ADGRL2: variants seen among roughly 807,000 people sequenced by gnomAD.
ADGRL2 encodes the protein adhesion G protein-coupled receptor L2, also known as calcium-independent alpha-latrotoxin receptor 2.
Under a neutral mutation model 157.4 loss-of-function variants are expected in ADGRL2, and 44 were observed. That is an observed-to-expected ratio of 0.28 (90% CI 0.22 to 0.36). The LOEUF is 0.36. ADGRL2 is among the 10% of genes least tolerant of loss of function. The pLI, the probability that ADGRL2 is intolerant of heterozygous loss-of-function variation, is 1.00. For synonymous variants in ADGRL2, 585 were observed against 624.7 expected (o/e 0.94, Z 0.95); for missense variants, 1,510 against 1,768.9 (o/e 0.85, Z 2.63).
intron 2 of ADGRL2, among the ~76,000 whole-genome samples, chr1:81,540,315 C>G (rs2079851508): frequency 6.6e-6 from 1 of 152,098 alleles, no homozygotes; most frequent in South Asian, 2.1e-4. Flanking sequence ...AAAAAATTTA[C>G]TTTAGATTTT....
intron 1 of ADGRL2, among the ~76,000 whole-genome samples, chr1:81,371,926 C>G (rs535798211): frequency 1.3e-5 from 2 of 151,622 alleles, no homozygotes; most frequent in Non-Finnish European, 2.9e-5. Flanking sequence ...TGTAAATAAA[C>G]AAAGAAAAAA....
At chr1:81,327,913 C>G (rs1661006931) in intron 1 of ADGRL2, among the ~76,000 whole-genome samples, 1 of 152,164 alleles carries the variant, frequency 6.6e-6, no homozygotes, top group Admixed American at 6.6e-5. Context: ...TATTATCTTG[C>G]TCTGCGTTAG....
intron 2 of ADGRL2, among the ~76,000 whole-genome samples, chr1:81,867,293 C>T (rs574045214): frequency 6.6e-6 from 1 of 152,150 alleles, no homozygotes; most frequent in African/African-American, 2.4e-5. Flanking sequence ...CTTTGCTATA[C>T]TGTTGAACAA....
intron 2 of ADGRL2, among the ~76,000 whole-genome samples, chr1:81,473,798 C>T (rs533056699): frequency 6.6e-6 from 1 of 151,706 alleles, no homozygotes; most frequent in African/African-American, 2.4e-5. Flanking sequence ...TTTTTTCCCA[C>T]TTCAAGATAA....
intron 1 of ADGRL2, among the ~76,000 whole-genome samples, chr1:81,444,034 G>A (rs80047192): frequency 0.034 from 5,248 of 152,192 alleles, 99 homozygotes; most frequent in Middle Eastern, 0.065. Context: ...GAAAAGGTCC[G>A]GAGACCCACT....
intron 2 of ADGRL2, among the ~76,000 whole-genome samples, chr1:81,854,218 T>A (rs2150582657): frequency 6.6e-6 from 1 of 152,306 alleles, no homozygotes; most frequent in East Asian, 1.9e-4. Flanking sequence ...GTCATGGCAT[T>A]TCTACAGCCA....
intron 2 of ADGRL2, among the ~76,000 whole-genome samples, chr1:81,512,533 G>T (rs886849390): frequency 2.6e-5 from 4 of 152,102 alleles, no homozygotes; most frequent in Non-Finnish European, 4.4e-5. Flanking sequence ...AGCTACAATT[G>T]TTCGGGTATC....
intron 2 of ADGRL2, among the ~76,000 whole-genome samples, chr1:81,497,649 G>A (rs2078758815): frequency 1.3e-5 from 2 of 152,110 alleles, no homozygotes; most frequent in South Asian, 4.1e-4. Flanking sequence ...TAAGCAAGTT[G>A]TTTAACCTTT....
intron 1 of ADGRL2, among the ~76,000 whole-genome samples, chr1:81,826,546 A>G (rs1056406045): frequency 5.9e-5 from 9 of 152,220 alleles, no homozygotes; most frequent in African/African-American, 1.9e-4. Flanking sequence ...AGATTTAGCT[A>G]TAATTTGGCA....
intron 3 of ADGRL2, among the ~76,000 whole-genome samples, chr1:81,617,795 G>T (rs1040302763): frequency 6.6e-6 from 1 of 152,128 alleles, no homozygotes; most frequent in Non-Finnish European, 1.5e-5. Flanking sequence ...AATATTCCCC[G>T]TGGAATTACC....
chr1:81,427,637 C>T (rs2077243171), intron 1 of ADGRL2: 5 of 609,330 alleles, frequency 8.2e-6, no homozygotes, highest in South Asian at 1.8e-5. Flanking sequence ...GGCTGCAGCT[C>T]TTAGCAGGAG....
At chr1:81,688,218 C>T (rs897007362) in intron 3 of ADGRL2, among the ~76,000 whole-genome samples, 6 of 152,182 alleles carry the variant, frequency 3.9e-5, no homozygotes, top group African/African-American at 7.2e-5. Flanking sequence ...GACTAGGTCT[C>T]TAGCTAGGCC....
intron 6 of ADGRL2, among the ~76,000 whole-genome samples, chr1:81,948,480 T>A (rs571173282): frequency 6.6e-6 from 1 of 152,330 alleles, no homozygotes; most frequent in South Asian, 2.1e-4. Context: ...AGTGTAGCGC[T>A]CAAGCATTTT....
rs957303703 is a variant in ADGRL2 at position 81,993,513 on chromosome 1, T to C, written c.*2368T>C. Reference sequence around the variant, plus strand: ...AAACTCTAAAGACATGAACACTGCATCGTACCTAAATGGCTACTGTTCTCT... The same window carrying C: ...AAACTCTAAAGACATGAACACTGCACCGTACCTAAATGGCTACTGTTCTCT... On this transcript the variant is annotated 3_prime_UTR_variant, in exon 24 of 24. Coordinates refer to ENST00000686636, the MANE Select transcript of ADGRL2 (RefSeq NM_001366006.2). Among the ~76,000 whole-genome samples the C allele has an allele frequency of 6.6e-6, 1 of 152,142 alleles. No homozygotes were observed. Among genetic ancestry groups the C allele is most frequent in the Non-Finnish European group, 1.5e-5 (1 of 68,024 alleles).
intron 2 of ADGRL2, among the ~76,000 whole-genome samples, chr1:81,767,408 G>A (rs982494237): frequency 6.6e-6 from 1 of 152,074 alleles, no homozygotes; most frequent in African/African-American, 2.4e-5. Flanking sequence ...AGAATACTTG[G>A]CAATATCTGC....
chr1:81,954,941 G>A (rs1476068722), intron 10 of ADGRL2, among the ~76,000 whole-genome samples: 1 of 152,136 alleles, frequency 6.6e-6, no homozygotes. Flanking sequence ...TGGGCATAAT[G>A]ACACATTATG....
chr1:81,413,859 G>A (rs1570900800), intron 1 of ADGRL2, among the ~76,000 whole-genome samples: 1 of 152,220 alleles, frequency 6.6e-6, no homozygotes, highest in Non-Finnish European at 1.5e-5. Context: ...CTCTGACACT[G>A]CATTTACTGT....
Position 81,511,400 on chromosome 1 carries a change from G to GCGCACACA in ADGRL2, c.-248+66312_-248+66313insGCACACAC, listed in dbSNP as rs1553172037. ...CAGAAAAAAAAAAAAAAAAAAGCGC[G>GCGCACACA]CACACACACACACACACACACACAC... On this transcript the variant is annotated intron_variant, in intron 2 of 24. Coordinates refer to the ADGRL2 transcript ENST00000370721. Among the ~76,000 whole-genome samples, 1,219 of 127,204 alleles carry GCGCACACA rather than the reference G, an allele frequency of 9.6e-3. 25 individuals are homozygous for GCGCACACA. The highest frequency in any genetic ancestry group is 0.035 in the African/African-American group (1,155 of 32,992). 83.5% of individuals were successfully genotyped at this position (127,204 alleles called of 152,430 possible).
At chr1:81,426,372 C>T in intron 1 of ADGRL2, 1 of 293,944 alleles carries the variant, frequency 3.4e-6, no homozygotes, top group South Asian at 3.0e-5. Context: ...GTCCTTCTTG[C>T]TTCTATGGTT....
Sources: gnomAD v4.1 joint callset for allele counts (sites outside exome capture counted in the v4.1 genomes callset) on GRCh38, gnomAD v4.1.1 for gene constraint, MANE v1.5 for transcripts, NCBI Gene and HGNC (gene_info 2026-07-23, HGNC 2026-07-21) for gene names.